The following SNED1 variants were observed in gnomAD, a reference collection of about 807,000 sequenced individuals.
The protein encoded by SNED1 is sushi, nidogen and EGF like domains 1, also known as sushi, nidogen and EGF-like domain-containing protein 1.
In SNED1, 81 loss-of-function variants were observed where a neutral mutation model predicts 166.7. That is an observed-to-expected ratio of 0.49 (90% CI 0.41 to 0.58). The LOEUF is 0.58. SNED1 is among the 20% of genes least tolerant of loss of function. The probability of loss-of-function intolerance (pLI) is 0.00; values close to 1 mark genes in which losing one functional copy is unlikely to be tolerated. For synonymous variants in SNED1, 762 were observed against 822.0 expected (o/e 0.93, Z 1.25); for missense variants, 1,604 against 2,000.2 (o/e 0.80, Z 3.78).
intron 16 of SNED1, among the ~76,000 whole-genome samples, chr2:241,053,566 G>A (rs908527553): frequency 5.9e-5 from 9 of 152,218 alleles, no homozygotes; most frequent in African/African-American, 1.2e-4. Flanking sequence ...AGAGCAGCCC[G>A]GAGCAGGAGG....
chr2:241,058,057 G>C (rs2062115097), intron 16 of SNED1, among the ~76,000 whole-genome samples: 1 of 152,174 alleles, frequency 6.6e-6, no homozygotes, highest in East Asian at 1.9e-4. Flanking sequence ...AGCACTCTTA[G>C]ACATTCCTAA....
chr2:241,077,330 CAT>C (rs1216560968), intron 27 of SNED1, among the ~76,000 whole-genome samples: 1 of 152,140 alleles, frequency 6.6e-6, no homozygotes, highest in Admixed American at 6.5e-5. Flanking sequence ...TAGAAGAAAA[CAT>C]AGGAGTAAAT....
At chr2:241,041,694 A>T (rs945041085) in intron 8 of SNED1, among the ~76,000 whole-genome samples, 2 of 152,212 alleles carry the variant, frequency 1.3e-5, no homozygotes, top group Non-Finnish European at 2.9e-5. Context: ...GTCTAAAAAA[A>T]AACAAAAGAG....
rs2062523867 is a variant in SNED1 at position 241,067,768 on chromosome 2, C to T, written c.3015C>T (p.Pro1005=). The T allele has an allele frequency of 6.2e-7, 1 of 1,606,422 alleles. No homozygotes were observed. The highest frequency in any genetic ancestry group is 8.5e-7 in the Non-Finnish European group (1 of 1,174,146). ...TGAACAGTCCATTCCCCCTAGGACC[C>T]CGCCCTGTGGAAGGCTTCGAGGTCA... is the stretch of plus-strand genomic sequence containing the variant. ...RPAVLLARTR[P]RPVEGFEVTN... The change falls in exon 22 of 32, where the codon CCC becomes CCT. Residue 1005 remains proline (P), a synonymous_variant. Transcript: ENST00000310397.
rs1302377493 is a variant in SNED1, at chr2:241,068,061, C to T, written c.3194+114C>T. ...CGTGTGTGGACTGTACCACCTGCCG[C>T]TCCTCACCTGAGCGGAGACAAAGGT... On this transcript the variant is annotated intron_variant, in intron 22 of 31. Transcript: ENST00000310397. The surrounding 1 kb of genome is among the most constrained non-coding windows in gnomAD (Gnocchi z 5.3). The T allele has an allele frequency of 6.0e-6, 6 of 994,090 alleles. No homozygotes were observed. In the African/African-American group the frequency reaches 9.7e-5, roughly 16 times the overall value. The allele number at this position is 994,090 out of a possible 1,614,324, so 61.6% of individuals were successfully genotyped here. A position where few individuals can be genotyped will look rare whatever the true frequency, so the allele number is the denominator to read the frequency against.
rs768935846 is a variant in SNED1 at position 241,070,118 on chromosome 2, G to A, written c.3506G>A (p.Arg1169Gln). 3.7e-6 allele frequency: 6 copies of A among 1,612,638 alleles called. No individual in the cohort carries two copies. The highest frequency in any genetic ancestry group is 2.2e-5 in the South Asian group (2 of 91,028). ...YTVRDLLPGR[R>Q]YQLSVIAVQS... is the part of the protein sequence containing the mutation. Reference sequence around the variant, plus strand: ...GTGCGCGACCTGCTGCCGGGACGGCGGTACCAGCTCTCTGTGATAGCAGTG... The same window carrying A: ...GTGCGCGACCTGCTGCCGGGACGGCAGTACCAGCTCTCTGTGATAGCAGTG... The change falls in exon 24 of 32, where the codon CGG (arginine) becomes CAG (glutamine). Residue 1169 changes from arginine to glutamine, a missense_variant. Transcript: ENST00000310397.
chr2:241,010,475 A>G (rs2060356934), intron 1 of SNED1: 1 of 152,310 alleles, frequency 6.6e-6, no homozygotes, highest in Non-Finnish European at 1.5e-5. Context: ...CCCCGCCCCC[A>G]ATGGAGGAGG....
rs1252010576 is a variant in SNED1 at position 241,033,967 on chromosome 2, A to G, written c.642+92A>G. ...CTGATGAGGTAGGCAGGGGCTCACC[A>G]TAGGCAGATCCCCCAGTACCGTGCA... is the stretch of plus-strand genomic sequence containing the variant. On this transcript the variant is annotated intron_variant, in intron 3 of 31. Transcript: ENST00000310397. The G allele has an allele frequency of 4.2e-6, 6 of 1,444,706 alleles. No individual in the cohort carries two copies. The African/African-American group carries it at 7.1e-5, about 17-fold the overall frequency. 89.5% of individuals were successfully genotyped at this position (1,444,706 alleles called of 1,614,324 possible). A position where few individuals can be genotyped will look rare whatever the true frequency, so the allele number is the denominator to read the frequency against.
At chr2:241,055,033 C>T (rs1276416928) in intron 16 of SNED1, among the ~76,000 whole-genome samples, 3 of 152,056 alleles carry the variant, frequency 2.0e-5, no homozygotes, top group East Asian at 1.9e-4. Flanking sequence ...AGGAGAATCG[C>T]TTGAGCCTGG....
At chr2:241,000,442 T>C (rs1366228832) in intron 1 of SNED1, among the ~76,000 whole-genome samples, 1 of 152,128 alleles carries the variant, frequency 6.6e-6, no homozygotes, top group Non-Finnish European at 1.5e-5. Flanking sequence ...CTCCTGGAAG[T>C]ACGAAGTGGG....
chr2:241,015,687 T>C (rs2060558801), intron 1 of SNED1: 1 of 172,718 alleles, frequency 5.8e-6, no homozygotes, highest in African/African-American at 2.4e-5. Flanking sequence ...AATCGTCTCA[T>C]AGCGGTGGTG....
At chr2:241,047,221 G>A (rs749378224) in intron 8 of SNED1, among the ~76,000 whole-genome samples, 4 of 149,382 alleles carry the variant, frequency 2.7e-5, no homozygotes, top group Non-Finnish European at 5.9e-5. Context: ...TATTAATATC[G>A]AATAAATTAA....
chr2:241,088,956 T>C lies in SNED1; in HGVS notation c.*1+554T>C, dbSNP rs73112107. ...AAGACCGCCGCTAGAAAGTCGTCAC[T>C]GACACTGGGCTCATAGGCATTCATA... is the stretch of plus-strand genomic sequence containing the variant. On this transcript the variant is annotated intron_variant, in intron 31 of 31. Coordinates refer to ENST00000310397, the MANE Select transcript of SNED1 (RefSeq NM_001080437.3). The C allele has an allele frequency of 6.1e-3, 1,396 of 229,272 alleles. 22 individuals carry two copies. Among genetic ancestry groups the C allele is most frequent in the African/African-American group, 0.03 (1,340 of 44,142 alleles). 14.2% of individuals were successfully genotyped at this position (229,272 alleles called of 1,614,324 possible).
chr2:241,090,938 G>A (rs1037324829), intron 31 of SNED1, among the ~76,000 whole-genome samples: 1 of 151,998 alleles, frequency 6.6e-6, no homozygotes, highest in African/African-American at 2.4e-5. Context: ...TAATCTCATG[G>A]GACCACTGTC....
chr2:241,043,727 G>A (rs1193395022), intron 8 of SNED1, among the ~76,000 whole-genome samples: 1 of 152,144 alleles, frequency 6.6e-6, no homozygotes, highest in African/African-American at 2.4e-5. Context: ...TCTGTAAAGG[G>A]CCAGAAAGTA....
chr2:241,076,948 G>A (rs891640721), intron 27 of SNED1, among the ~76,000 whole-genome samples: 1 of 152,166 alleles, frequency 6.6e-6, no homozygotes, highest in Non-Finnish European at 1.5e-5. Context: ...GCATGGTGGC[G>A]GGCGCCTGTG....
At chr2:241,012,371 A>C (rs1184628971) in intron 1 of SNED1, among the ~76,000 whole-genome samples, 1 of 152,250 alleles carries the variant, frequency 6.6e-6, no homozygotes, top group African/African-American at 2.4e-5. Flanking sequence ...GCCCACTGCC[A>C]GGCCGAGAGC....
intron 1 of SNED1, among the ~76,000 whole-genome samples, chr2:241,005,869 T>C (rs1028853323): frequency 1.3e-4 from 20 of 152,116 alleles, no homozygotes; most frequent in African/African-American, 3.6e-4. Context: ...GGTGTATTGT[T>C]GTAGGGCTTT....
intron 8 of SNED1, among the ~76,000 whole-genome samples, chr2:241,042,390 C>T (rs2061543683): frequency 6.6e-6 from 1 of 152,108 alleles, no homozygotes; most frequent in Non-Finnish European, 1.5e-5. Flanking sequence ...TTAAAAGGAT[C>T]AAACTGATCC....
Sources: gnomAD v4.1 joint callset for allele counts (sites outside exome capture counted in the v4.1 genomes callset) on GRCh38, gnomAD v4.1.1 for gene constraint, Gnocchi (gnomAD v3.1) non-coding constraint, MANE v1.5 for transcripts, NCBI Gene and HGNC (gene_info 2026-07-23, HGNC 2026-07-21) for gene names.